DAB1: variants seen among roughly 807,000 people sequenced by gnomAD.
DAB1 encodes DAB adaptor protein 1.
In DAB1, 15 loss-of-function variants were observed where a neutral mutation model predicts 64.6. That is an observed-to-expected ratio of 0.23 (90% CI 0.16 to 0.36). DAB1 has a LOEUF of 0.36. Ranked by LOEUF, DAB1 falls within the 10% of genes least tolerant of loss-of-function variation. The probability of loss-of-function intolerance (pLI) is 1.00; values close to 1 mark genes in which losing one functional copy is unlikely to be tolerated. For missense variants in DAB1, 596 were observed against 706.7 expected (o/e 0.84, Z 1.78); for synonymous variants, 235 against 251.9 (o/e 0.93, Z 0.64).
intron 7 of DAB1, among the ~76,000 whole-genome samples, chr1:57,434,339 G>A (rs60508697): frequency 0.037 from 5,686 of 152,182 alleles, 342 homozygotes; most frequent in African/African-American, 0.13. Flanking sequence ...GCAGCAATAT[G>A]GACAAATCTT....
chr1:58,260,269 A>G (rs528015179), intron 4 of DAB1, among the ~76,000 whole-genome samples: 34 of 152,182 alleles, frequency 2.2e-4, no homozygotes, highest in African/African-American at 7.7e-4. Flanking sequence ...CCTTTACACA[A>G]CGTCATACAT....
chr1:57,279,417 T>C (rs1671718495), intron 2 of DAB1, among the ~76,000 whole-genome samples: 1 of 152,230 alleles, frequency 6.6e-6, no homozygotes, highest in Non-Finnish European at 1.5e-5. Flanking sequence ...ATATTTTCTA[T>C]CCAATGTTGG....
intron 4 of DAB1, among the ~76,000 whole-genome samples, chr1:58,153,978 T>C (rs2100737813): frequency 6.6e-6 from 1 of 151,516 alleles, no homozygotes; most frequent in East Asian, 1.9e-4. Context: ...AAAATCTATA[T>C]CCTATCTACC....
intron 11 of DAB1, 35 bp from the exon 12 acceptor site, chr1:57,015,466 C>A (rs759043562): frequency 1.9e-6 from 3 of 1,555,632 alleles, no homozygotes; most frequent in East Asian, 4.5e-5. Context: ...AGGTGTTTCC[C>A]TGGTGTCCTG....
chr1:57,561,393 T>C (rs1422456831), intron 7 of DAB1, among the ~76,000 whole-genome samples: 2 of 152,128 alleles, frequency 1.3e-5, no homozygotes, highest in African/African-American at 4.8e-5. Context: ...AATGACCAGA[T>C]GTGCGATTAT....
At chr1:58,205,924 TTTC>T (rs1658252435) in intron 4 of DAB1, among the ~76,000 whole-genome samples, 2 of 152,168 alleles carry the variant, frequency 1.3e-5, no homozygotes, top group African/African-American at 4.8e-5. Context: ...TTCATATCCT[TTTC>T]TGAGGCCAAC....
intron 6 of DAB1, among the ~76,000 whole-genome samples, chr1:57,788,041 T>TGGAA (rs1384929352): frequency 2.6e-5 from 4 of 151,728 alleles, no homozygotes; most frequent in Non-Finnish European, 5.9e-5. Context: ...CTGGAGCAAG[T>TGGAA]GGAACTCTCA....
At chr1:57,661,585 G>A (rs759360198) in intron 6 of DAB1, among the ~76,000 whole-genome samples, 1 of 152,084 alleles carries the variant, frequency 6.6e-6, no homozygotes, top group African/African-American at 2.4e-5. Context: ...CTTGGTATCT[G>A]CAGGGCACTG....
intron 4 of DAB1, among the ~76,000 whole-genome samples, chr1:58,333,696 G>T (rs1488710775): frequency 6.6e-6 from 1 of 152,174 alleles, no homozygotes; most frequent in African/African-American, 2.4e-5. Context: ...AATAACAGCT[G>T]GTTTTCACAT....
rs573051626 is a variant in DAB1, at chr1:57,236,780, G to A, written c.67+54184C>T. Among the ~76,000 whole-genome samples, 21 of 152,276 alleles carry A rather than the reference G, an allele frequency of 1.4e-4. No homozygotes were observed. The South Asian group carries it at 2.5e-3, about 18-fold the overall frequency. Reference sequence around the variant, plus strand: ...TGGTAGAGCAAGTCAAACTGAAGGGGCAGAGAGCTGGTGGGAGACTGAGGT... The same window carrying A: ...TGGTAGAGCAAGTCAAACTGAAGGGACAGAGAGCTGGTGGGAGACTGAGGT... On this transcript the variant is annotated intron_variant, in intron 2 of 14. Coordinates refer to ENST00000371236, the MANE Select transcript of DAB1 (RefSeq NM_001365792.1).
intron 4 of DAB1, among the ~76,000 whole-genome samples, chr1:58,263,552 T>C (rs546534324): frequency 2.0e-5 from 3 of 152,340 alleles, no homozygotes; most frequent in African/African-American, 7.2e-5. Flanking sequence ...CTCTATGGCA[T>C]GTTGCTTGCT....
At chr1:57,146,945 CA>C (rs761063893) in intron 2 of DAB1, among the ~76,000 whole-genome samples, 6 of 151,970 alleles carry the variant, frequency 3.9e-5, no homozygotes, top group Non-Finnish European at 7.4e-5. Context: ...ACAGCATTAG[CA>C]TGAGCAGTAA....
chr1:57,219,948 G>A (rs765313572), intron 2 of DAB1, among the ~76,000 whole-genome samples: 1 of 152,182 alleles, frequency 6.6e-6, no homozygotes, highest in Non-Finnish European at 1.5e-5. Flanking sequence ...AATGTGTGCT[G>A]TTTAAAGCCA....
intron 2 of DAB1, among the ~76,000 whole-genome samples, chr1:57,284,054 T>C (rs1483446117): frequency 6.6e-6 from 1 of 152,230 alleles, no homozygotes; most frequent in Admixed American, 6.5e-5. Flanking sequence ...TGTACTTGCT[T>C]TTAGTCAGGA....
At chr1:57,489,476 A>T (rs527784746) in intron 7 of DAB1, among the ~76,000 whole-genome samples, 1 of 152,236 alleles carries the variant, frequency 6.6e-6, no homozygotes, top group African/African-American at 2.4e-5. Context: ...TCTTCAAAAG[A>T]TCCATTCTCA....
At chr1:57,672,762 A>T (rs1038271144) in intron 6 of DAB1, among the ~76,000 whole-genome samples, 1 of 152,096 alleles carries the variant, frequency 6.6e-6, no homozygotes, top group Admixed American at 6.6e-5. Context: ...GCTTACCCTT[A>T]ATATAGCACT....
rs574855465 is a variant in DAB1 at position 58,038,339 on chromosome 1, T to C, written n.387+112172A>G. On this transcript the variant is annotated intron_variant and non_coding_transcript_variant, in intron 5 of 20. Coordinates refer to the DAB1 transcript ENST00000485760. The stretch of plus-strand genomic sequence containing the variant: ...AGTGGAAGGAATTCAGCTTGACTCT[T>C]TGGTTCTGGATTGGCAACTAAACAG... Among the ~76,000 whole-genome samples the C allele has an allele frequency of 5.9e-5, 9 of 152,192 alleles. No individual in the cohort carries two copies. In the East Asian group the frequency reaches 1.4e-3, roughly 23 times the overall value.
At chr1:57,472,224 T>G (rs987781095) in intron 7 of DAB1, among the ~76,000 whole-genome samples, 1 of 152,222 alleles carries the variant, frequency 6.6e-6, no homozygotes, top group African/African-American at 2.4e-5. Context: ...GCTTGTGCCG[T>G]TTTAGAACAG....
chr1:57,581,861 C>T (rs1331485354), intron 7 of DAB1, among the ~76,000 whole-genome samples: 2 of 151,948 alleles, frequency 1.3e-5, no homozygotes, highest in Non-Finnish European at 2.9e-5. Flanking sequence ...AGAAATAGGC[C>T]GTCTTAGCCT....
Sources: gnomAD v4.1 joint callset for allele counts (sites outside exome capture counted in the v4.1 genomes callset) on GRCh38, gnomAD v4.1.1 for gene constraint, MANE v1.5 for transcripts, NCBI Gene and HGNC (gene_info 2026-07-23, HGNC 2026-07-21) for gene names.